GRK4: variants seen among roughly 807,000 people sequenced by gnomAD.
The protein encoded by GRK4 is G protein-coupled receptor kinase 2-like.
GRK4 carries 73 observed loss-of-function variants against 77.9 expected under a neutral mutation model. That is an observed-to-expected ratio of 0.94 (90% CI 0.78 to 1.14). The LOEUF (loss-of-function observed/expected upper bound fraction) is 1.14. Among genes scored for constraint, GRK4 ranks in the 50% most tolerant of loss-of-function variants. The pLI is 0.00. For synonymous variants in GRK4, 257 were observed against 254.4 expected (o/e 1.01, Z -0.10); for missense variants, 729 against 700.2 (o/e 1.04, Z -0.46).
intron 5 of GRK4, among the ~76,000 whole-genome samples, chr4:3,005,042 C>G (rs894494132): frequency 4.0e-5 from 6 of 151,812 alleles, no homozygotes; most frequent in Non-Finnish European, 8.8e-5. Flanking sequence ...CTGCTTGTGT[C>G]TAGGACAAAA....
At position 3,035,425 on chromosome 4, in the gene GRK4, G is replaced by A; in HGVS notation, c.1309G>A (p.Gly437Ser). The A allele has an allele frequency of 1.2e-6, 2 of 1,613,948 alleles. No individual in the cohort carries two copies. Among genetic ancestry groups the A allele is most frequent in the Non-Finnish European group, 1.7e-6 (2 of 1,179,968 alleles). ...KNPSKRLGCR[G>S]EGAAGVKQHP... ...TCCAAGCAAGCGGCTGGGCTGCAGG[G>A]GCGAGGGAGCGGCTGGGGTGAAGCA... The change falls in exon 13 of 16, where the codon GGC (glycine) becomes AGC (serine). Residue 437 changes from glycine to serine, a missense_variant. Physicochemically the swap from Gly to Ser is moderately conservative, Grantham distance 56. Transcript: ENST00000398052.
At chr4:3,021,951 T>C (rs545280178) in intron 9 of GRK4, among the ~76,000 whole-genome samples, 36 of 152,218 alleles carry the variant, frequency 2.4e-4, no homozygotes, top group Middle Eastern at 3.4e-3. Context: ...CACTAAGCAT[T>C]TGTTGAATGA....
intron 7 of GRK4, 39 bp from the exon 8 acceptor site, chr4:3,013,648 AG>A: frequency 6.3e-7 from 1 of 1,578,866 alleles, no homozygotes; most frequent in East Asian, 2.2e-5. Flanking sequence ...AAGAAATGCC[AG>A]GTGGACATAA....
At position 2,963,889 on chromosome 4, in the gene GRK4, G is replaced by A. The variant is rs1156594065; in HGVS notation, c.-182G>A. 1.2e-5 allele frequency: 8 copies of A among 651,034 alleles called. No homozygotes were observed. Among genetic ancestry groups the A allele is most frequent in the Non-Finnish European group, 2.2e-5 (8 of 367,832 alleles). The allele number at this position is 651,034 out of a possible 1,614,324, so 40.3% of individuals were successfully genotyped here. Reference sequence around the variant, plus strand: ...CCTGCTGGTGAGGGCCTGCGGAGGCGGCGGCGGCGGCGCCCTTGGTGGCAG... The same window carrying A: ...CCTGCTGGTGAGGGCCTGCGGAGGCAGCGGCGGCGGCGCCCTTGGTGGCAG... On this transcript the variant is annotated 5_prime_UTR_variant, in exon 1 of 16. Transcript: ENST00000398052.
intron 8 of GRK4, among the ~76,000 whole-genome samples, chr4:3,014,761 C>T (rs1733967906): frequency 6.6e-6 from 1 of 152,050 alleles, no homozygotes; most frequent in Admixed American, 6.5e-5. Flanking sequence ...TGCACCACCG[C>T]ACTCCAGCCT....
At chr4:3,004,085 T>G in intron 4 of GRK4, 146 bp from the exon 5 acceptor site, 2 of 590,134 alleles carry the variant, frequency 3.4e-6, no homozygotes, top group Non-Finnish European at 6.1e-6. Context: ...CTCTGGAGAG[T>G]GGGACGGGGT....
At chr4:2,996,947 C>T (rs34163500) in intron 4 of GRK4, among the ~76,000 whole-genome samples, 11,974 of 152,094 alleles carry the variant, frequency 0.079, 566 homozygotes, top group African/African-American at 0.13. Flanking sequence ...AGGCTAGGTG[C>T]GGTGGCTCAT....
chr4:3,012,914 G>C (rs1733318280), intron 7 of GRK4, among the ~76,000 whole-genome samples: 1 of 151,904 alleles, frequency 6.6e-6, no homozygotes, highest in Non-Finnish European at 1.5e-5. Context: ...GGCCAAAGTG[G>C]GCAGATCACC....
In GRK4 at chr4:3,029,210, T is replaced by C. The variant is rs776929038; in HGVS notation, c.1070T>C (p.Val357Ala). ...TGTATTTGTTATGTAGCACCTGAAG[T>C]TGTCAATAATGAAAAGTATACGTTT... ...VGTVGYMAPE[V>A]VNNEKYTFSP... Residue 357 changes from valine (V) to alanine (A), a missense_variant, in exon 12 of 16, where the codon GTT becomes GCT. Val to Ala is a moderately conservative substitution (Grantham distance 64). Transcript: ENST00000398052. The C allele has an allele frequency of 5.6e-6, 9 of 1,610,634 alleles. No individual in the cohort carries two copies. The East Asian group carries it at 2.0e-4, about 36-fold the overall frequency.
chr4:2,983,851 T>A (rs1018793290), intron 1 of GRK4, among the ~76,000 whole-genome samples: 1 of 151,892 alleles, frequency 6.6e-6, no homozygotes, highest in Non-Finnish European at 1.5e-5. Flanking sequence ...CTTACAATCA[T>A]GGTGAAAAGC....
At chr4:3,039,455 T>C (rs1033545059) in intron 15 of GRK4, among the ~76,000 whole-genome samples, 2 of 152,002 alleles carry the variant, frequency 1.3e-5, no homozygotes, top group Admixed American at 6.6e-5. Context: ...CCCAGCACTT[T>C]GGGAGGCTGA....
intron 10 of GRK4, among the ~76,000 whole-genome samples, chr4:3,022,869 T>G (rs1307432255): frequency 6.6e-6 from 1 of 152,090 alleles, no homozygotes; most frequent in Non-Finnish European, 1.5e-5. Flanking sequence ...AAATTTTTTT[T>G]GTAGAGATAG....
chr4:3,003,190 G>A (rs1193313221), intron 4 of GRK4, among the ~76,000 whole-genome samples: 3 of 152,088 alleles, frequency 2.0e-5, no homozygotes, highest in Admixed American at 6.6e-5. Context: ...TTTGTGACTG[G>A]CTTCTTTATT....
At chr4:3,034,054 T>C (rs2110076056) in intron 12 of GRK4, among the ~76,000 whole-genome samples, 1 of 152,270 alleles carries the variant, frequency 6.6e-6, no homozygotes, top group East Asian at 1.9e-4. Context: ...TAATGGCGCG[T>C]CCAAATGACT....
chr4:3,015,064 C>T (rs2109932719), intron 8 of GRK4, among the ~76,000 whole-genome samples: 1 of 152,272 alleles, frequency 6.6e-6, no homozygotes, highest in African/African-American at 2.4e-5. Flanking sequence ...AGCCCAAATA[C>T]CACCTTCCCA....
At position 3,012,652 on chromosome 4, in the gene GRK4, A is replaced by G. The variant is rs942712436; in HGVS notation, c.601-1036A>G. Among the ~76,000 whole-genome samples the G allele has an allele frequency of 1.3e-4, 20 of 152,252 alleles. No homozygotes were observed. The East Asian group carries it at 1.5e-3, about 12-fold the overall frequency. ...GAAACAGCAGCCTAATGTTGATGAC[A>G]CAGAGGCACGGGGACCAGAACCTGA... is the stretch of plus-strand genomic sequence containing the variant. On this transcript the variant is annotated intron_variant, in intron 7 of 15. Coordinates refer to ENST00000398052, the MANE Select transcript of GRK4 (RefSeq NM_182982.3).
Position 2,964,060 on chromosome 4 carries a change from G to T in GRK4, c.-11G>T. Reference sequence around the variant, plus strand: ...TCTCGCAGAATCCGCCGGCGGCGGCGGCGCCAGGACATGGAGCTCGAGAAC... The same window carrying T: ...TCTCGCAGAATCCGCCGGCGGCGGCTGCGCCAGGACATGGAGCTCGAGAAC... On this transcript the variant is annotated 5_prime_UTR_variant, in exon 1 of 16. Transcript: ENST00000398052. 6.2e-7 allele frequency: 1 copy of T among 1,608,488 alleles called. No individual in the cohort carries two copies.
chr4:3,017,679 G>C (rs1345317865), intron 8 of GRK4, among the ~76,000 whole-genome samples: 2 of 152,124 alleles, frequency 1.3e-5, no homozygotes, highest in African/African-American at 4.8e-5. Flanking sequence ...GACCAAGTTG[G>C]ATTTATTCCA....
At chr4:3,036,900 G>C (rs979500605) in intron 13 of GRK4, among the ~76,000 whole-genome samples, 1 of 152,168 alleles carries the variant, frequency 6.6e-6, no homozygotes, top group Non-Finnish European at 1.5e-5. Context: ...GGATCCCACC[G>C]CTGGTGGCCT....
Sources: allele counts gnomAD v4.1 joint callset (sites outside exome capture counted in the v4.1 genomes callset), GRCh38; gene constraint gnomAD v4.1.1; transcripts MANE v1.5; gene names NCBI Gene and HGNC (gene_info 2026-07-23, HGNC 2026-07-21).